The following RNF2 variants were observed in gnomAD, a reference collection of about 807,000 sequenced individuals.
The protein encoded by RNF2 is ring finger protein 2, also known as E3 ubiquitin-protein ligase RING2.
Under a neutral mutation model 37.2 loss-of-function variants are expected in RNF2, and 6 were observed. The observed-to-expected ratio is 0.16, with a 90% confidence interval of 0.09 to 0.32. The LOEUF is 0.32. RNF2 is among the 10% of genes least tolerant of loss of function. The pLI is 1.00. For synonymous variants in RNF2, 133 were observed against 132.7 expected, an observed-to-expected ratio of 1.00 and a Z score of -0.02; for missense variants, 251 against 404.0, an observed-to-expected ratio of 0.62 and a Z score of 3.25.
At chr1:185,065,878 C>T (rs971476246) in intron 1 of RNF2, among the ~76,000 whole-genome samples, 1 of 151,976 alleles carries the variant, frequency 6.6e-6, no homozygotes, top group Non-Finnish European at 1.5e-5. Flanking sequence ...TTTTTTCCCC[C>T]CTACTTGCTC....
At chr1:185,063,140 A>C (rs1337175944) in intron 1 of RNF2, among the ~76,000 whole-genome samples, 1 of 152,210 alleles carries the variant, frequency 6.6e-6, no homozygotes, top group Non-Finnish European at 1.5e-5. Context: ...ACTGTAAATG[A>C]GTGAATTCTG....
intron 1 of RNF2, among the ~76,000 whole-genome samples, chr1:185,062,049 T>C (rs1055016468): frequency 3.3e-5 from 5 of 152,184 alleles, no homozygotes; most frequent in Non-Finnish European, 7.3e-5. Context: ...AATCAAGTTA[T>C]CTCCACCTTG....
At chr1:185,060,665 T>G (rs1307137180) in intron 1 of RNF2, among the ~76,000 whole-genome samples, 2 of 152,152 alleles carry the variant, frequency 1.3e-5, no homozygotes, top group Non-Finnish European at 2.9e-5. Context: ...GTCACTAGAT[T>G]TAAATAAATT....
intron 1 of RNF2, among the ~76,000 whole-genome samples, chr1:185,066,522 T>G (rs566580745): frequency 2.0e-5 from 3 of 152,336 alleles, no homozygotes; most frequent in African/African-American, 4.8e-5. Context: ...TATTTATGCC[T>G]TCTTAGCATT....
At chr1:185,046,226 C>T (rs777719061) in intron 1 of RNF2, 1 of 152,224 alleles carries the variant, frequency 6.6e-6, no homozygotes, top group Non-Finnish European at 1.5e-5. Context: ...TCGGGGAGAC[C>T]CCTTCAGCTT....
At chr1:185,085,237 C>T (rs943577796) in intron 1 of RNF2, among the ~76,000 whole-genome samples, 5 of 149,826 alleles carry the variant, frequency 3.3e-5, no homozygotes, top group African/African-American at 9.9e-5. Flanking sequence ...CAAGCTCCGC[C>T]TCCCGGGTTC....
intron 1 of RNF2, among the ~76,000 whole-genome samples, chr1:185,078,707 C>T (rs968045543): frequency 1.3e-5 from 2 of 152,050 alleles, no homozygotes; most frequent in South Asian, 2.1e-4. Flanking sequence ...GTTGGGAGTT[C>T]GAGACCAGCC....
chr1:185,066,124 T>C (rs75684319), intron 1 of RNF2, among the ~76,000 whole-genome samples: 2,216 of 152,298 alleles, frequency 0.015, 47 homozygotes, highest in African/African-American at 0.05. Context: ...CTCTTCAGAT[T>C]ATTGCACAGA....
intron 1 of RNF2, among the ~76,000 whole-genome samples, chr1:185,084,595 T>G (rs1651526581): frequency 6.6e-6 from 1 of 152,204 alleles, no homozygotes; most frequent in South Asian, 2.1e-4. Context: ...CAAAAGGCCA[T>G]TGCATATTTG....
intron 1 of RNF2, among the ~76,000 whole-genome samples, chr1:185,077,625 G>GGTTTTTTTTTTTTTTTTTTTTTT (rs1553241127): frequency 8.6e-6 from 1 of 115,696 alleles, no homozygotes; most frequent in African/African-American, 3.3e-5. Flanking sequence ...AATTAACTTT[G>GGTTTTTTTTTTTTTTTTTTTTTT]TTTTTTTTTT....
intron 2 of RNF2, among the ~76,000 whole-genome samples, chr1:185,090,301 C>T (rs1362462462): frequency 6.6e-6 from 1 of 152,166 alleles, no homozygotes; most frequent in African/African-American, 2.4e-5. Flanking sequence ...TGCACAGGTA[C>T]AGCCCTGGAG....
intron 1 of RNF2, among the ~76,000 whole-genome samples, chr1:185,052,510 A>T (rs1650300786): frequency 6.6e-6 from 1 of 152,224 alleles, no homozygotes; most frequent in South Asian, 2.1e-4. Flanking sequence ...AAATATCCAG[A>T]ATAGAAAAAT....
intron 4 of RNF2, among the ~76,000 whole-genome samples, chr1:185,095,268 G>A (rs1281646264): frequency 6.6e-6 from 1 of 152,194 alleles, no homozygotes; most frequent in Non-Finnish European, 1.5e-5. Flanking sequence ...ATTTCTAGTG[G>A]TGGGGCTGTA....
chr1:185,093,936 T>C (rs1270078389), intron 4 of RNF2, among the ~76,000 whole-genome samples: 1 of 152,006 alleles, frequency 6.6e-6, no homozygotes, highest in Non-Finnish European at 1.5e-5. Context: ...ATCTGTATGC[T>C]GATGACTCCC....
chr1:185,049,617 T>C (rs757118344), intron 1 of RNF2, among the ~76,000 whole-genome samples: 6 of 151,516 alleles, frequency 4.0e-5, no homozygotes, highest in Non-Finnish European at 8.8e-5. Context: ...ACGGAGACTT[T>C]AGTAAGAATT....
rs181702439 is a variant in RNF2, at chr1:185,063,900, C to T, written c.-3+18251C>T. On this transcript the variant is annotated intron_variant, in intron 1 of 6. Transcript: ENST00000367510. The stretch of plus-strand genomic sequence containing the variant: ...TTTGACTCTGCTTCTCACATCACAT[C>T]GCTTTGTCTGCCTCTTAAGGACCTT... Among the ~76,000 whole-genome samples, 14 of 152,308 alleles carry T rather than the reference C, an allele frequency of 9.2e-5. No homozygotes were observed. In the East Asian group the frequency reaches 1.9e-3, roughly 21 times the overall value.
intron 1 of RNF2, among the ~76,000 whole-genome samples, chr1:185,082,643 C>A (rs970671289): frequency 6.6e-6 from 1 of 152,222 alleles, no homozygotes; most frequent in Admixed American, 6.5e-5. Context: ...GCGTGAGCCA[C>A]CGCACCCAGC....
chr1:185,082,016 A>G (rs948712803), intron 1 of RNF2, among the ~76,000 whole-genome samples: 4 of 152,306 alleles, frequency 2.6e-5, no homozygotes, highest in East Asian at 1.9e-4. Context: ...GCGGGTCGTC[A>G]CTAGTTACCA....
intron 4 of RNF2, among the ~76,000 whole-genome samples, chr1:185,094,028 A>G (rs750497470): frequency 6.6e-6 from 1 of 152,166 alleles, no homozygotes; most frequent in Non-Finnish European, 1.5e-5. Flanking sequence ...CAAACTTAAC[A>G]TGATGAATAC....
Sources: allele counts gnomAD v4.1 joint callset (sites outside exome capture counted in the v4.1 genomes callset), GRCh38; gene constraint gnomAD v4.1.1; transcripts MANE v1.5; gene names NCBI Gene and HGNC (gene_info 2026-07-23, HGNC 2026-07-21).